ATXN2: variants seen among roughly 807,000 people sequenced by gnomAD.
ATXN2 encodes ataxin-2.
Under a neutral mutation model 138.6 loss-of-function variants are expected in ATXN2, and 37 were observed. The observed-to-expected ratio is 0.27, with a 90% CI of 0.21 to 0.35. The LOEUF is 0.35. Among genes scored for constraint, ATXN2 ranks in the 10% least tolerant of loss-of-function variants. The pLI is 1.00. For missense variants in ATXN2, 1,216 were observed against 1,480.3 expected (o/e 0.82, Z 2.93); for synonymous variants, 549 against 543.7 (o/e 1.01, Z -0.13).
At chr12:111,567,711 G>T (rs1883092402) in intron 1 of ATXN2, among the ~76,000 whole-genome samples, 2 of 151,574 alleles carry the variant, frequency 1.3e-5, no homozygotes, top group Non-Finnish European at 2.9e-5. Flanking sequence ...CTACTCATGA[G>T]GCTGACACAA....
chr12:111,550,572 G>C (rs1882067605), intron 5 of ATXN2, among the ~76,000 whole-genome samples: 1 of 152,020 alleles, frequency 6.6e-6, no homozygotes. Context: ...TATTTCAATA[G>C]TATAAGTATA....
At chr12:111,477,023 C>A (rs1876867160) in intron 18 of ATXN2, among the ~76,000 whole-genome samples, 2 of 151,966 alleles carry the variant, frequency 1.3e-5, no homozygotes. Context: ...AATAGACACA[C>A]ATACAATACA....
intron 22 of ATXN2, among the ~76,000 whole-genome samples, chr12:111,456,914 A>G (rs1202719388): frequency 4.6e-5 from 7 of 151,508 alleles, no homozygotes; most frequent in Admixed American, 4.6e-4. Context: ...CGCCCGGCTA[A>G]TTTTTTTGTA....
At chr12:111,544,818 A>T (rs112954365) in intron 5 of ATXN2, among the ~76,000 whole-genome samples, 227 of 152,350 alleles carry the variant, frequency 1.5e-3, no homozygotes, top group Non-Finnish European at 2.6e-3. Context: ...GTTAGAGGTT[A>T]ATCGTAGCCT....
In ATXN2 at chr12:111,551,102, T is replaced by G. The variant is rs1037232774; in HGVS notation, c.571+1178A>C. Among the ~76,000 whole-genome samples, 5 of 151,896 alleles carry G rather than the reference T, an allele frequency of 3.3e-5. No individual in the cohort carries two copies. In the South Asian group the frequency reaches 8.3e-4, roughly 25 times the overall value. On this transcript the variant is annotated intron_variant, in intron 5 of 24. Transcript: ENST00000673436. ...TCACGAGGTCAAACAATCGAGACCA[T>G]CCTGGCCAACATGGTGAAACCCTGT...
chr12:111,474,442 C>T (rs962486834), intron 18 of ATXN2, among the ~76,000 whole-genome samples: 3 of 151,668 alleles, frequency 2.0e-5, no homozygotes, highest in Non-Finnish European at 2.9e-5. Context: ...AGAAGAAAGA[C>T]AAGACAAGAA....
At chr12:111,499,011 C>A (rs955116178) in intron 14 of ATXN2, among the ~76,000 whole-genome samples, 3 of 151,984 alleles carry the variant, frequency 2.0e-5, no homozygotes, top group Non-Finnish European at 1.5e-5. Context: ...AAGAATGAAA[C>A]CAGACCCCTG....
intron 1 of ATXN2, among the ~76,000 whole-genome samples, chr12:111,559,106 T>TA (rs1882535678): frequency 6.6e-6 from 1 of 151,478 alleles, no homozygotes; most frequent in African/African-American, 2.4e-5. Context: ...CAGAATGCAG[T>TA]AAATGCAACA....
intron 1 of ATXN2, among the ~76,000 whole-genome samples, chr12:111,570,359 G>T (rs1883250927): frequency 2.0e-5 from 3 of 152,200 alleles, no homozygotes. Context: ...TGCTAAAGCT[G>T]AGTGACAGGT....
rs560910196 is a variant in ATXN2, at chr12:111,460,255, G to A, written c.2897-2896C>T. On this transcript the variant is annotated intron_variant, in intron 21 of 24. Coordinates refer to ENST00000673436, the MANE Select transcript of ATXN2 (RefSeq NM_001372574.1). ...CCTGGCTAACTTTTTTGTATTTTTAGTAGAGACAGGGTTTCACCATGTTGG... is the reference window on the plus strand; with the variant it reads ...CCTGGCTAACTTTTTTGTATTTTTAATAGAGACAGGGTTTCACCATGTTGG... Among the ~76,000 whole-genome samples the A allele has an allele frequency of 2.0e-5, 3 of 152,178 alleles. No homozygotes were observed. The South Asian group carries it at 6.2e-4, about 32-fold the overall frequency.
chr12:111,488,389 T>C (rs1403459359), intron 15 of ATXN2, 87 bp downstream of exon 15: 1 of 1,367,294 alleles, frequency 7.3e-7, no homozygotes, highest in Non-Finnish European at 9.9e-7. Context: ...TCCAGATGGA[T>C]TCTTCACAGT....
chr12:111,463,775 G>T (rs1426604888), intron 21 of ATXN2, among the ~76,000 whole-genome samples: 1 of 151,990 alleles, frequency 6.6e-6, no homozygotes, highest in Non-Finnish European at 1.5e-5. Flanking sequence ...GATATCCTGA[G>T]GGGTCTGCTT....
rs1207931492 is a variant in ATXN2 at position 111,494,633 on chromosome 12, C to A, written c.1936-5853G>T. Among the ~76,000 whole-genome samples the A allele has an allele frequency of 2.0e-5, 3 of 151,780 alleles. No homozygotes were observed. In the East Asian group the frequency reaches 5.9e-4, roughly 30 times the overall value. On this transcript the variant is annotated intron_variant, in intron 14 of 24. Coordinates refer to ENST00000673436, the MANE Select transcript of ATXN2 (RefSeq NM_001372574.1). The stretch of plus-strand genomic sequence containing the variant: ...TAGAGATGGGGTTTCACCATGTTAG[C>A]CAGGCTGGTCTCAATCTCCTGACCT...
chr12:111,472,512 C>T (rs920513158), intron 18 of ATXN2, among the ~76,000 whole-genome samples: 2 of 152,050 alleles, frequency 1.3e-5, no homozygotes, highest in Non-Finnish European at 2.9e-5. Flanking sequence ...AAAAAAGAAC[C>T]TACCTAAGGC....
intron 5 of ATXN2, among the ~76,000 whole-genome samples, chr12:111,545,317 C>T (rs1881744398): frequency 6.6e-6 from 1 of 151,968 alleles, no homozygotes; most frequent in Non-Finnish European, 1.5e-5. Context: ...AAAAAGATGG[C>T]CAGGCGTGGT....
At chr12:111,532,276 T>G (rs561278176) in intron 5 of ATXN2, among the ~76,000 whole-genome samples, 12 of 152,208 alleles carry the variant, frequency 7.9e-5, no homozygotes, top group Admixed American at 2.0e-4. Context: ...GGTCAGGAGT[T>G]GGTGACCAGC....
intron 14 of ATXN2, among the ~76,000 whole-genome samples, chr12:111,498,096 G>A (rs9805053): frequency 1.3e-5 from 2 of 151,990 alleles, no homozygotes; most frequent in African/African-American, 4.8e-5. Context: ...ATATATGACA[G>A]ACCCATAACT....
chr12:111,502,583 C>T (rs1341106621), intron 14 of ATXN2, among the ~76,000 whole-genome samples: 1 of 152,140 alleles, frequency 6.6e-6, no homozygotes, highest in Non-Finnish European at 1.5e-5. Flanking sequence ...GCACCTGCCA[C>T]CACGCCTGGC....
At position 111,452,609 on chromosome 12, in the gene ATXN2, C is replaced by T. The variant is rs1420700009; in HGVS notation, c.*203G>A. On this transcript the variant is annotated 3_prime_UTR_variant, in exon 25 of 25. Coordinates refer to ENST00000673436, the MANE Select transcript of ATXN2 (RefSeq NM_001372574.1). Reference sequence around the variant, plus strand: ...AACAGCATATGGAATTATGGAATAGCCCCCAAGTTCCTAAATGCCTCTACT... The same window carrying T: ...AACAGCATATGGAATTATGGAATAGTCCCCAAGTTCCTAAATGCCTCTACT... 10 of 610,442 alleles carry T rather than the reference C, an allele frequency of 1.6e-5. No homozygotes were observed. The highest frequency in any genetic ancestry group is 2.9e-5 in the Non-Finnish European group (10 of 347,504). The allele number at this position is 610,442 out of a possible 1,614,324, so 37.8% of individuals were successfully genotyped here.
Sources: allele counts gnomAD v4.1 joint callset (sites outside exome capture counted in the v4.1 genomes callset), GRCh38; gene constraint gnomAD v4.1.1; transcripts MANE v1.5; gene names NCBI Gene and HGNC (gene_info 2026-07-23, HGNC 2026-07-21).